BTRC: variants seen among roughly 807,000 people sequenced by gnomAD.
The protein encoded by BTRC is beta-transducin repeat containing E3 ubiquitin protein ligase, also known as F-box/WD repeat-containing protein 1A.
A neutral mutation model predicts 85.5 loss-of-function variants in BTRC; 42 were observed. That is an observed-to-expected ratio of 0.49 (90% CI 0.38 to 0.64). The LOEUF (loss-of-function observed/expected upper bound fraction) is 0.64, where lower values mean the gene tolerates loss of function less well. BTRC is among the 30% of genes least tolerant of loss of function. The pLI is 0.00. For synonymous variants in BTRC, 255 were observed against 263.3 expected, an observed-to-expected ratio of 0.97 and a Z score of 0.30; for missense variants, 594 against 743.5, an observed-to-expected ratio of 0.80 and a Z score of 2.34.
intron 4 of BTRC, among the ~76,000 whole-genome samples, chr10:101,489,450 T>C (rs993835897): frequency 6.6e-6 from 1 of 152,190 alleles, no homozygotes; most frequent in Non-Finnish European, 1.5e-5. Flanking sequence ...GGTGTAAATA[T>C]TCTCCTCTCT....
At chr10:101,354,359 G>A in intron 1 of BTRC, 131 bp downstream of exon 1, 1 of 1,010,252 alleles carries the variant, frequency 9.9e-7, no homozygotes, top group Non-Finnish European at 1.4e-6. Flanking sequence ...AGCGGCTGGA[G>A]GGATGGGATG....
intron 1 of BTRC, among the ~76,000 whole-genome samples, chr10:101,383,454 C>T (rs1942989392): frequency 6.6e-6 from 1 of 150,848 alleles, no homozygotes; most frequent in South Asian, 2.1e-4. Context: ...AACACCTGCA[C>T]TTGCCATTCG....
At chr10:101,366,781 TATATATA>T (rs1281103678) in intron 1 of BTRC, among the ~76,000 whole-genome samples, 10 of 104,160 alleles carry the variant, frequency 9.6e-5, no homozygotes, top group Non-Finnish European at 1.3e-4. Flanking sequence ...TATATATATA[TATATATA>T]TTTTTACATT....
intron 3 of BTRC, among the ~76,000 whole-genome samples, chr10:101,470,401 C>T (rs1306129320): frequency 3.4e-5 from 5 of 147,078 alleles, no homozygotes; most frequent in Admixed American, 6.9e-5. Flanking sequence ...GACACAATCT[C>T]GGCTCACTGC....
chr10:101,504,255 T>TA (rs1243833983), intron 4 of BTRC, among the ~76,000 whole-genome samples: 2 of 152,204 alleles, frequency 1.3e-5, no homozygotes, highest in African/African-American at 2.4e-5. Flanking sequence ...GTAGTGGTTT[T>TA]AAAAAATAGT....
At chr10:101,370,780 C>T (rs919342301) in intron 1 of BTRC, among the ~76,000 whole-genome samples, 1 of 151,738 alleles carries the variant, frequency 6.6e-6, no homozygotes, top group African/African-American at 2.4e-5. Flanking sequence ...TCATGTTGTC[C>T]AGGCTGGTCT....
intron 1 of BTRC, among the ~76,000 whole-genome samples, chr10:101,415,489 ATGTT>A (rs1943910504): frequency 1.0e-4 from 1 of 10,034 alleles, no homozygotes; most frequent in Admixed American, 4.0e-4. Flanking sequence ...ATTTTATTTT[ATGTT>A]ATGTTATGTT....
At chr10:101,374,069 G>A (rs1035616278) in intron 1 of BTRC, among the ~76,000 whole-genome samples, 2 of 152,168 alleles carry the variant, frequency 1.3e-5, no homozygotes, top group African/African-American at 4.8e-5. Flanking sequence ...TCCATGATAA[G>A]AGGTTAAGAA....
At chr10:101,420,805 T>C (rs1206266904) in intron 1 of BTRC, among the ~76,000 whole-genome samples, 1 of 151,994 alleles carries the variant, frequency 6.6e-6, no homozygotes, top group East Asian at 1.9e-4. Flanking sequence ...TACTCACCTA[T>C]TGAACTGTTC....
intron 1 of BTRC, among the ~76,000 whole-genome samples, chr10:101,410,931 GCTTA>G (rs763911624): frequency 4.1e-5 from 6 of 148,116 alleles, no homozygotes; most frequent in Non-Finnish European, 8.9e-5. Context: ...TGCTTAAATT[GCTTA>G]CTTTTTAAAA....
At chr10:101,365,592 C>T (rs1942349488) in intron 1 of BTRC, among the ~76,000 whole-genome samples, 2 of 151,794 alleles carry the variant, frequency 1.3e-5, no homozygotes, top group African/African-American at 4.8e-5. Context: ...TCTCCTGCCT[C>T]AGCTTCCTGA....
At position 101,531,941 on chromosome 10, in the gene BTRC, A is replaced by G. The variant is rs59968951; in HGVS notation, c.841-354A>G. The stretch of plus-strand genomic sequence containing the variant: ...CTGAATTGAACCTCCTTAGAAGTTC[A>G]TCAGTAGCAATCAGTAGCAATGGCC... On this transcript the variant is annotated intron_variant, in intron 7 of 14. Transcript: ENST00000370187. Among the ~76,000 whole-genome samples the G allele has an allele frequency of 8.1e-4, 123 of 152,308 alleles. No individual in the cohort carries two copies. In the East Asian group the frequency reaches 0.021, roughly 27 times the overall value.
At chr10:101,440,000 T>C (rs1944638713) in intron 2 of BTRC, among the ~76,000 whole-genome samples, 1 of 152,230 alleles carries the variant, frequency 6.6e-6, no homozygotes, top group South Asian at 2.1e-4. Context: ...AGTGGTGAAA[T>C]TATAGAAGAC....
At chr10:101,459,402 C>G (rs1412384298) in intron 2 of BTRC, among the ~76,000 whole-genome samples, 2 of 152,148 alleles carry the variant, frequency 1.3e-5, no homozygotes, top group Non-Finnish European at 2.9e-5. Context: ...TGCTTCTACT[C>G]TTTAGTATTA....
At chr10:101,448,778 A>G (rs1413253777) in intron 2 of BTRC, among the ~76,000 whole-genome samples, 1 of 152,112 alleles carries the variant, frequency 6.6e-6, no homozygotes. Flanking sequence ...TTACCATTTT[A>G]AGAGGAAAGC....
At chr10:101,371,933 C>G (rs1051917968) in intron 1 of BTRC, among the ~76,000 whole-genome samples, 8 of 152,084 alleles carry the variant, frequency 5.3e-5, no homozygotes, top group African/African-American at 1.9e-4. Context: ...AATCGTCATG[C>G]TTACAAACTA....
At chr10:101,470,630 G>A (rs972138578) in intron 3 of BTRC, among the ~76,000 whole-genome samples, 5 of 152,138 alleles carry the variant, frequency 3.3e-5, no homozygotes, top group South Asian at 4.2e-4. Flanking sequence ...GCGCCTAGCC[G>A]GTTTTTTCTT....
intron 3 of BTRC, among the ~76,000 whole-genome samples, chr10:101,465,559 G>T (rs754627738): frequency 1.3e-5 from 2 of 152,130 alleles, no homozygotes; most frequent in Non-Finnish European, 2.9e-5. Context: ...GAAGGGACAT[G>T]TGGTTTTACT....
At chr10:101,382,071 C>T (rs979829095) in intron 1 of BTRC, among the ~76,000 whole-genome samples, 2 of 138,348 alleles carry the variant, frequency 1.4e-5, no homozygotes, top group African/African-American at 2.6e-5. Flanking sequence ...CAACCTTCGC[C>T]TCCCAGGTTC....
Sources: allele counts gnomAD v4.1 joint callset (sites outside exome capture counted in the v4.1 genomes callset), GRCh38; gene constraint gnomAD v4.1.1; transcripts MANE v1.5; gene names NCBI Gene and HGNC (gene_info 2026-07-23, HGNC 2026-07-21).